Variants in CFAP92 observed in about 807,000 individuals in gnomAD.
CFAP92 encodes uncharacterized protein CFAP92.
A neutral mutation model predicts 106.3 loss-of-function variants in CFAP92; 86 were observed. That is an observed-to-expected ratio of 0.81 (90% CI 0.68 to 0.97). The LOEUF (loss-of-function observed/expected upper bound fraction) is 0.97. Ranked by LOEUF, CFAP92 falls within the 50% of genes least tolerant of loss-of-function variation. The pLI is 0.00. For synonymous variants in CFAP92, 477 were observed against 506.4 expected (o/e 0.94, Z 0.78); for missense variants, 1,204 against 1,283.8 (o/e 0.94, Z 0.95).
At chr3:128,996,207 A>T (rs978554337), upstream of CFAP92, among the ~76,000 whole-genome samples, 5 of 152,184 alleles carry the variant, frequency 3.3e-5, no homozygotes, top group Admixed American at 1.3e-4. Flanking sequence ...GACATATGAG[A>T]GTGCAAGACT....
intron 9 of CFAP92, among the ~76,000 whole-genome samples, chr3:128,964,321 A>C (rs1044560804): frequency 2.0e-5 from 3 of 152,210 alleles, no homozygotes; most frequent in Non-Finnish European, 4.4e-5. Context: ...TCCTGTGTAG[A>C]TGCTCCTTTT....
chr3:128,916,648 C>CA (rs1936840130), intron 12 of CFAP92, among the ~76,000 whole-genome samples: 1 of 152,198 alleles, frequency 6.6e-6, no homozygotes, highest in African/African-American at 2.4e-5. Flanking sequence ...CCATCCTTGA[C>CA]CATGGTTAAC....
chr3:129,003,152 A>G (rs1463012281), upstream of CFAP92, among the ~76,000 whole-genome samples: 3 of 152,208 alleles, frequency 2.0e-5, no homozygotes, highest in Admixed American at 2.0e-4. Flanking sequence ...GGGAAGTGGC[A>G]AGGTGTGGTT....
intron 8 of CFAP92, chr3:128,967,850 A>ACC (rs1559910251): frequency 1.4e-4 from 21 of 152,244 alleles, no homozygotes; most frequent in African/African-American, 4.6e-4. Flanking sequence ...CACTGCTGAC[A>ACC]GTTGGGGCAG....
In CFAP92 at chr3:128,971,062, C is replaced by A. The variant is rs567506833; in HGVS notation, c.1168+225G>T. ...AATCAAACAGAGCTGGGTTCAAGTCCAGGCTTCACATTTCCTAGCTGTGTG... is the reference window on the plus strand; with the variant it reads ...AATCAAACAGAGCTGGGTTCAAGTCAAGGCTTCACATTTCCTAGCTGTGTG... On this transcript the variant is annotated intron_variant, in intron 8 of 15. Coordinates refer to ENST00000645291, the MANE Select transcript of CFAP92 (RefSeq NM_001394090.1). The A allele has an allele frequency of 1.2e-5, 7 of 602,148 alleles. No homozygotes were observed. The East Asian group carries it at 2.0e-4, about 17-fold the overall frequency. The allele number at this position is 602,148 out of a possible 1,614,324, so 37.3% of individuals were successfully genotyped here.
chr3:129,020,830 C>T, the CFAP92 span, among the ~76,000 whole-genome samples: 10 of 152,220 alleles, frequency 6.6e-5, no homozygotes, highest in South Asian at 6.2e-4. Context: ...CACTTGCAGA[C>T]GGGAACCCTG....
intron 11 of CFAP92, 49 bp downstream of exon 11, chr3:128,935,076 T>C (rs1261982536): frequency 2.1e-6 from 3 of 1,425,874 alleles, no homozygotes; most frequent in African/African-American, 2.9e-5. Context: ...TGTTAAGAAG[T>C]GCCCCTCCCG....
intron 7 of CFAP92, among the ~76,000 whole-genome samples, chr3:128,972,708 A>T (rs2107783315): frequency 6.6e-6 from 1 of 152,068 alleles, no homozygotes; most frequent in South Asian, 2.1e-4. Context: ...ATAAAAAATT[A>T]GCCAGGTGTG....
chr3:128,921,088 A>G (rs1263373494), intron 12 of CFAP92, among the ~76,000 whole-genome samples: 1 of 152,200 alleles, frequency 6.6e-6, no homozygotes, highest in East Asian at 1.9e-4. Context: ...CAGCCTCCAT[A>G]CTAGTGTTGG....
chr3:129,001,637 G>A (rs748862254), intron 1 of CFAP92: 3 of 1,374,998 alleles, frequency 2.2e-6, no homozygotes, highest in Non-Finnish European at 2.8e-6. Context: ...CGATGGAGCC[G>A]GTCAGCACGG....
At chr3:128,920,817 T>C (rs1217684434) in intron 12 of CFAP92, among the ~76,000 whole-genome samples, 1 of 152,236 alleles carries the variant, frequency 6.6e-6, no homozygotes, top group Non-Finnish European at 1.5e-5. Context: ...CCTCGTGGCC[T>C]CTGGAATGTG....
intron 7 of CFAP92, among the ~76,000 whole-genome samples, chr3:128,973,354 G>A (rs544615650): frequency 1.3e-5 from 2 of 152,078 alleles, no homozygotes; most frequent in Non-Finnish European, 2.9e-5. Context: ...CTGCAAGCAG[G>A]GGGGAACAGA....
Position 128,993,598 on chromosome 3 carries a change from G to GAGTC in CFAP92, c.-32-266_-32-263dup. 3 of 435,996 alleles carry GAGTC rather than the reference G, an allele frequency of 6.9e-6. No homozygotes were observed. The South Asian group carries it at 7.1e-5, about 10-fold the overall frequency. 27.0% of individuals were successfully genotyped at this position (435,996 alleles called of 1,614,324 possible). On this transcript the variant is annotated intron_variant, in intron 1 of 15. Coordinates refer to ENST00000645291, the MANE Select transcript of CFAP92 (RefSeq NM_001394090.1). ...AACCCCGTTTCCTTCGCCTAACCAG[G>GAGTC]AGTCAGTCGCCGGGCTTCTGGAATG... is the stretch of plus-strand genomic sequence containing the variant.
intron 9 of CFAP92, 114 bp downstream of exon 9, chr3:128,965,397 G>T: frequency 2.5e-6 from 1 of 397,690 alleles, no homozygotes; most frequent in South Asian, 1.4e-4. Flanking sequence ...GGACCCGTAT[G>T]AGAATGACCA....
chr3:128,910,607 G>T, intron 15 of CFAP92: 1 of 972,782 alleles, frequency 1.0e-6, no homozygotes, highest in South Asian at 1.3e-5. Context: ...TAGAACCCAA[G>T]ACGGGGTGAC....
chr3:128,962,291 C>T (rs988993855), intron 9 of CFAP92, among the ~76,000 whole-genome samples: 2 of 152,180 alleles, frequency 1.3e-5, no homozygotes, highest in African/African-American at 2.4e-5. Flanking sequence ...GCTACCCACT[C>T]CACATTACCT....
intron 8 of CFAP92, chr3:128,966,944 CAAAT>C (rs1203498499): frequency 6.6e-6 from 1 of 151,974 alleles, no homozygotes; most frequent in East Asian, 1.9e-4. Flanking sequence ...AAAAACAAAA[CAAAT>C]AAACAAAAAA....
upstream of CFAP92, among the ~76,000 whole-genome samples, chr3:129,007,685 C>T (rs1213299386): frequency 6.6e-6 from 1 of 152,202 alleles, no homozygotes; most frequent in African/African-American, 2.4e-5. Context: ...GTCACATACC[C>T]AAACTCAGCT....
chr3:128,973,408 G>C (rs540639851), intron 7 of CFAP92, among the ~76,000 whole-genome samples: 4 of 152,252 alleles, frequency 2.6e-5, no homozygotes, highest in Non-Finnish European at 2.9e-5. Context: ...TGTAATCCCA[G>C]CACTTTGGGA....
Sources: gnomAD v4.1 joint callset for allele counts (sites outside exome capture counted in the v4.1 genomes callset) on GRCh38, gnomAD v4.1.1 for gene constraint, MANE v1.5 for transcripts, NCBI Gene and HGNC (gene_info 2026-07-23, HGNC 2026-07-21) for gene names.